Variants in BBS4 observed in about 807,000 individuals in gnomAD.
BBS4 encodes the protein BBSome complex member BBS4.
A neutral mutation model predicts 71.4 loss-of-function variants in BBS4; 58 were observed. That is an observed-to-expected ratio of 0.81 (90% CI 0.66 to 1.01). The LOEUF (loss-of-function observed/expected upper bound fraction) is 1.01. Among genes scored for constraint, BBS4 ranks in the 50% least tolerant of loss-of-function variants. The pLI is 0.00. For synonymous variants in BBS4, 228 were observed against 216.8 expected, an observed-to-expected ratio of 1.05 and a Z score of -0.46; for missense variants, 660 against 607.9, an observed-to-expected ratio of 1.09 and a Z score of -0.90.
rs1325740606 is a variant in BBS4, at chr15:72,725,947, CCCTTCCT to C, written c.587+1297_587+1303del. On this transcript the variant is annotated intron_variant, in intron 8 of 15. Transcript: ENST00000268057. Reference sequence around the variant, plus strand: ...TTCCCCCTTTCCCCTTCCCCCTTTCCCCTTCCTCCTTTCCCTTCCCCCTTTCCCCTTT... The same window carrying C: ...TTCCCCCTTTCCCCTTCCCCCTTTCCCCTTTCCCTTCCCCCTTTCCCCTTT... Among the ~76,000 whole-genome samples the C allele has an allele frequency of 1.2e-4, 9 of 75,116 alleles. 1 individual carries two copies. The highest frequency in any genetic ancestry group is 5.0e-4 in the African/African-American group (9 of 18,122). 49.3% of individuals were successfully genotyped at this position (75,116 alleles called of 152,430 possible). A position where few individuals can be genotyped will look rare whatever the true frequency, so the allele number is the denominator to read the frequency against.
chr15:72,702,577 A>C (rs989450388), intron 2 of BBS4, among the ~76,000 whole-genome samples: 18 of 152,280 alleles, frequency 1.2e-4, no homozygotes, highest in Admixed American at 5.2e-4. Context: ...TTTCAAGCTA[A>C]TGAGAAGCAA....
chr15:72,719,811 T>C (rs985288412), intron 6 of BBS4, among the ~76,000 whole-genome samples: 22 of 148,692 alleles, frequency 1.5e-4, no homozygotes, highest in Non-Finnish European at 2.8e-4. Context: ...GTGCAGTGGC[T>C]CAATCTTGGC....
At chr15:72,730,489 G>A (rs964954047) in intron 10 of BBS4, among the ~76,000 whole-genome samples, 1 of 151,908 alleles carries the variant, frequency 6.6e-6, no homozygotes, top group Non-Finnish European at 1.5e-5. Flanking sequence ...CCACTCGGAA[G>A]GTGGAAGAGG....
intron 3 of BBS4, 23 bp downstream of exon 3, chr15:72,709,802 A>C (rs1230653797): frequency 1.9e-6 from 3 of 1,594,174 alleles, no homozygotes; most frequent in Non-Finnish European, 2.6e-6. Context: ...CATAATAATA[A>C]AAATGAGAGG....
chr15:72,713,116 A>C (rs2151020573), intron 4 of BBS4, among the ~76,000 whole-genome samples: 1 of 152,004 alleles, frequency 6.6e-6, no homozygotes, highest in Non-Finnish European at 1.5e-5. Context: ...CAGCCTCTCA[A>C]AGTGCTGGGA....
chr15:72,696,265 G>T (rs2150998719), intron 2 of BBS4, among the ~76,000 whole-genome samples: 1 of 152,142 alleles, frequency 6.6e-6, no homozygotes, highest in African/African-American at 2.4e-5. Context: ...AATATTCCTT[G>T]TTTGAAGTCT....
chr15:72,729,789 C>T lies in BBS4; in HGVS notation c.711+105C>T, dbSNP rs564367507. 4.2e-6 allele frequency: 4 copies of T among 943,416 alleles called. 1 individual carries two copies. The highest frequency in any genetic ancestry group is 4.2e-5 in the South Asian group (3 of 71,628). The allele number at this position is 943,416 out of a possible 1,614,324, so 58.4% of individuals were successfully genotyped here. On this transcript the variant is annotated intron_variant, in intron 10 of 15. Coordinates refer to ENST00000268057, the MANE Select transcript of BBS4 (RefSeq NM_033028.5). ...AGGAATAGCTTCTTAAATTTGGATACCTGAGAAATAGAAAAAATATAAATA... is the reference window on the plus strand; with the variant it reads ...AGGAATAGCTTCTTAAATTTGGATATCTGAGAAATAGAAAAAATATAAATA...
intron 2 of BBS4, among the ~76,000 whole-genome samples, chr15:72,701,623 T>G (rs956047018): frequency 6.6e-6 from 1 of 152,112 alleles, no homozygotes; most frequent in Non-Finnish European, 1.5e-5. Flanking sequence ...GCATAGAAAT[T>G]CCTTGAAAAT....
rs1387138006 is a variant in BBS4 at position 72,695,231 on chromosome 15, CTG to C, written c.76+5_76+6del. On this transcript the variant is annotated splice_donor_5th_base_variant and intron_variant, in intron 2 of 15. Transcript: ENST00000268057. ...TCAAAAACCCCGGCAGAAAAAAGGT[CTG>C]TATGCAGTTTCATGGTATGTGTATG... The C allele has an allele frequency of 5.7e-6, 9 of 1,580,146 alleles. No homozygotes were observed. Among genetic ancestry groups the C allele is most frequent in the Non-Finnish European group, 7.8e-6 (9 of 1,149,446 alleles).
intron 10 of BBS4, among the ~76,000 whole-genome samples, chr15:72,731,065 C>CTTTTTTTTTTTTTTTTT (rs35004414): frequency 5.2e-5 from 4 of 77,610 alleles, no homozygotes; most frequent in Non-Finnish European, 7.2e-5. Flanking sequence ...AACATTTTAT[C>CTTTTTTTTTTTTTTTTT]TTTTTTTTTT....
At chr15:72,706,798 A>G (rs1024327638) in intron 2 of BBS4, among the ~76,000 whole-genome samples, 7 of 152,116 alleles carry the variant, frequency 4.6e-5, no homozygotes, top group African/African-American at 1.7e-4. Flanking sequence ...GATAATCCCT[A>G]TTCTTGGATA....
chr15:72,732,442 T>C (rs2065843503), intron 12 of BBS4, among the ~76,000 whole-genome samples: 1 of 152,212 alleles, frequency 6.6e-6, no homozygotes, highest in Admixed American at 6.5e-5. Flanking sequence ...CTGACTAGTC[T>C]TTCTAGGAAT....
chr15:72,695,709 T>C (rs576076690), intron 2 of BBS4, among the ~76,000 whole-genome samples: 8 of 152,348 alleles, frequency 5.3e-5, no homozygotes, highest in African/African-American at 1.9e-4. Context: ...AGTTATTAGA[T>C]ATTAGGAGGT....
intron 6 of BBS4, among the ~76,000 whole-genome samples, chr15:72,718,569 A>G (rs1331637554): frequency 6.6e-6 from 1 of 152,226 alleles, no homozygotes; most frequent in Non-Finnish European, 1.5e-5. Context: ...TTTCTTCTGT[A>G]CATCGGAAGA....
At chr15:72,701,205 A>G (rs2065163164) in intron 2 of BBS4, among the ~76,000 whole-genome samples, 1 of 152,202 alleles carries the variant, frequency 6.6e-6, no homozygotes, top group Non-Finnish European at 1.5e-5. Flanking sequence ...AATTTAATGT[A>G]AATGGAATCA....
At chr15:72,726,668 C>G (rs2065708820) in intron 8 of BBS4, among the ~76,000 whole-genome samples, 1 of 152,012 alleles carries the variant, frequency 6.6e-6, no homozygotes, top group Non-Finnish European at 1.5e-5. Flanking sequence ...CAGAAAAATC[C>G]CTTGGTTTGT....
chr15:72,725,860 TCC>T (rs2065677549), intron 8 of BBS4, among the ~76,000 whole-genome samples: 1 of 2,566 alleles, frequency 3.9e-4, no homozygotes, highest in African/African-American at 1.5e-3. Flanking sequence ...CCTTTCCCCA[TCC>T]CCCTTTCCCC....
At chr15:72,735,604 C>T in intron 13 of BBS4, 2 of 635,300 alleles carry the variant, frequency 3.1e-6, no homozygotes, top group Admixed American at 5.0e-5. Context: ...CTGTTGAGGG[C>T]TGAGATGCCA....
At chr15:72,737,098 A>T (rs1327131077) in intron 15 of BBS4, 135 bp downstream of exon 15, 1 of 1,128,332 alleles carries the variant, frequency 8.9e-7, no homozygotes, top group Non-Finnish European at 1.3e-6. Flanking sequence ...GGGGAGAAAA[A>T]AAACACAGGG....
Sources: gnomAD v4.1 joint callset for allele counts (sites outside exome capture counted in the v4.1 genomes callset) on GRCh38, gnomAD v4.1.1 for gene constraint, MANE v1.5 for transcripts, NCBI Gene and HGNC (gene_info 2026-07-23, HGNC 2026-07-21) for gene names.